Variants in PREX1 observed in about 807,000 individuals in gnomAD.
PREX1 encodes the protein phosphatidylinositol 3,4,5-trisphosphate-dependent Rac exchanger 1 protein.
PREX1 carries 41 observed loss-of-function variants against 198.3 expected under a neutral mutation model. The ratio of observed to expected loss-of-function variants is 0.21; its 90% CI spans 0.16 to 0.27. The LOEUF is 0.27. PREX1 is among the 10% of genes least tolerant of loss of function. The pLI, the probability that PREX1 is intolerant of heterozygous loss-of-function variation, is 1.00. For missense variants in PREX1, 1,620 were observed against 2,200.7 expected, an observed-to-expected ratio of 0.74 and a Z score of 5.28; for synonymous variants, 843 against 887.2, an observed-to-expected ratio of 0.95 and a Z score of 0.89.
At chr20:48,851,038 C>G in the PREX1 span, among the ~76,000 whole-genome samples, 1 of 152,284 alleles carries the variant, frequency 6.6e-6, no homozygotes, top group South Asian at 2.1e-4. Flanking sequence ...TTTTGGCTTC[C>G]ATAAATAAAG....
chr20:48,627,885 C>T lies in PREX1; in HGVS notation c.4845G>A (p.Gln1615=). 1 of 1,613,148 alleles carries T rather than the reference C, an allele frequency of 6.2e-7. No homozygotes were observed. The highest frequency in any genetic ancestry group is 1.7e-5 in the Admixed American group (1 of 59,986). ...SHGLLPKCIM[Q]ATDIMRKQGP... is the part of the protein sequence containing the mutation. ...CCTGCTTCCGCATGATGTCCGTGGC[C>T]TGCATGATGCACTTGGGCAGCAACC... Residue 1615 remains glutamine (Q), a synonymous_variant, in exon 38 of 40, where the codon CAG becomes CAA. Transcript: ENST00000371941.
intron 19 of PREX1, 114 bp from the exon 20 acceptor site, chr20:48,653,611 T>C (rs1318524036): frequency 3.0e-6 from 4 of 1,340,948 alleles, no homozygotes; most frequent in Non-Finnish European, 4.1e-6. Context: ...GGACTCCACC[T>C]CCACCCCTCC....
chr20:48,828,132 C>T (rs1762700606), upstream of PREX1, among the ~76,000 whole-genome samples: 1 of 149,794 alleles, frequency 6.7e-6, no homozygotes, highest in African/African-American at 2.4e-5. Flanking sequence ...CCAAGTGCCA[C>T]GCCGCGCTCG....
intron 1 of PREX1, among the ~76,000 whole-genome samples, chr20:48,794,246 G>C (rs1473162077): frequency 6.6e-6 from 1 of 152,212 alleles, no homozygotes; most frequent in Non-Finnish European, 1.5e-5. Context: ...GGACCAGCCT[G>C]TGAATGAAGT....
intron 1 of PREX1, among the ~76,000 whole-genome samples, chr20:48,801,551 GCTTT>G (rs2090386828): frequency 6.6e-6 from 1 of 152,190 alleles, no homozygotes; most frequent in Non-Finnish European, 1.5e-5. Flanking sequence ...GTGGATATAG[GCTTT>G]CTGTTGAGAA....
At chr20:48,826,479 C>A (rs1237473085) in intron 1 of PREX1, among the ~76,000 whole-genome samples, 1 of 152,192 alleles carries the variant, frequency 6.6e-6, no homozygotes, top group African/African-American at 2.4e-5. Flanking sequence ...AGTCCCGGTT[C>A]AAAGCCCAGT....
rs990858080 is a variant in PREX1 at position 48,791,486 on chromosome 20, A to G, written c.219+36156T>C. 7.2e-5 allele frequency among the ~76,000 whole-genome samples: 11 copies of G among 152,192 alleles called. 1 individual carries two copies. The highest frequency in any genetic ancestry group is 2.9e-5 in the Non-Finnish European group (2 of 68,026). ...GGGTAAAGTCAAGGACTACAGAATA[A>G]GCACCCAATATGAGCAAGTCTCGTT... On this transcript the variant is annotated intron_variant, in intron 1 of 39. Transcript: ENST00000371941.
chr20:48,701,275 G>A (rs983324733), intron 6 of PREX1, among the ~76,000 whole-genome samples: 3 of 152,092 alleles, frequency 2.0e-5, no homozygotes, highest in Non-Finnish European at 4.4e-5. Context: ...GCAATGGCGC[G>A]ATCTCGGCTC....
chr20:48,718,510 C>G (rs1235719963), intron 5 of PREX1, among the ~76,000 whole-genome samples: 2 of 152,004 alleles, frequency 1.3e-5, no homozygotes, highest in East Asian at 1.9e-4. Context: ...AAACAGAAAT[C>G]AAAAAGAAGG....
At chr20:48,778,202 T>C (rs1398892249) in intron 1 of PREX1, among the ~76,000 whole-genome samples, 1 of 152,164 alleles carries the variant, frequency 6.6e-6, no homozygotes, top group East Asian at 1.9e-4. Context: ...AATATGTTCA[T>C]GGTAAGGCAA....
At chr20:48,835,588 G>A in the PREX1 span, among the ~76,000 whole-genome samples, 2,121 of 152,284 alleles carry the variant, frequency 0.014, 44 homozygotes, top group African/African-American at 0.048. Flanking sequence ...CCTGTGTTCC[G>A]GGCAGCAGGA....
chr20:48,705,076 T>C (rs556778938), intron 6 of PREX1, among the ~76,000 whole-genome samples: 8 of 152,306 alleles, frequency 5.3e-5, no homozygotes, highest in African/African-American at 1.9e-4. Context: ...TATTGGGCGT[T>C]TTCTCTGAGC....
chr20:48,869,175 A>G, the PREX1 span, among the ~76,000 whole-genome samples: 1 of 152,152 alleles, frequency 6.6e-6, no homozygotes, highest in South Asian at 2.1e-4. Context: ...ATACCCAGCC[A>G]AGAATCTTCT....
intron 1 of PREX1, among the ~76,000 whole-genome samples, chr20:48,776,950 C>G: frequency 6.6e-6 from 1 of 152,198 alleles, no homozygotes; most frequent in Non-Finnish European, 1.5e-5. Flanking sequence ...GACCTCCACT[C>G]CAGGCCCATA....
At chr20:48,701,393 T>A (rs1011045076) in intron 6 of PREX1, among the ~76,000 whole-genome samples, 7 of 152,090 alleles carry the variant, frequency 4.6e-5, no homozygotes, top group Non-Finnish European at 8.8e-5. Context: ...TGTATTTTTT[T>A]AGAAGAGACA....
In PREX1 at chr20:48,698,323, C is replaced by G. The variant is rs536332011; in HGVS notation, c.917+2430G>C. The stretch of plus-strand genomic sequence containing the variant: ...ACCCGGAAGCCAAAGGTTGAGTAAA[C>G]TCATCTAAAAGTTGGGAGCAGGTCA... On this transcript the variant is annotated intron_variant, in intron 7 of 39. Coordinates refer to ENST00000371941, the MANE Select transcript of PREX1 (RefSeq NM_020820.4). Among the ~76,000 whole-genome samples the G allele has an allele frequency of 9.2e-5, 14 of 152,322 alleles. No individual in the cohort carries two copies. The South Asian group carries it at 2.1e-3, about 23-fold the overall frequency.
At chr20:48,802,912 C>T (rs921670250) in intron 1 of PREX1, among the ~76,000 whole-genome samples, 6 of 152,212 alleles carry the variant, frequency 3.9e-5, no homozygotes, top group Non-Finnish European at 8.8e-5. Context: ...GAGTGAGGAG[C>T]GGGCAAGCCA....
chr20:48,712,096 C>A (rs564218920), intron 5 of PREX1, among the ~76,000 whole-genome samples: 3 of 152,244 alleles, frequency 2.0e-5, no homozygotes, highest in Admixed American at 6.5e-5. Flanking sequence ...AAAGACCCCA[C>A]CGTGTTGTGG....
chr20:48,851,948 C>T, the PREX1 span, among the ~76,000 whole-genome samples: 2 of 152,028 alleles, frequency 1.3e-5, no homozygotes, highest in Non-Finnish European at 2.9e-5. Flanking sequence ...GATTATTTGC[C>T]AAAAATATTT....
Sources: allele counts gnomAD v4.1 joint callset (sites outside exome capture counted in the v4.1 genomes callset), GRCh38; gene constraint gnomAD v4.1.1; transcripts MANE v1.5; gene names NCBI Gene and HGNC (gene_info 2026-07-23, HGNC 2026-07-21).